The following BCAS3 variants were observed in gnomAD, a reference collection of about 807,000 sequenced individuals.
BCAS3 encodes BCAS4/BCAS3 fusion.
BCAS3 carries 53 observed loss-of-function variants against 116.1 expected under a neutral mutation model. The observed-to-expected ratio is 0.46, with a 90% CI of 0.37 to 0.57. The LOEUF (loss-of-function observed/expected upper bound fraction) is 0.57. Among genes scored for constraint, BCAS3 ranks in the 20% least tolerant of loss-of-function variants. The probability of loss-of-function intolerance (pLI) is 0.00; values close to 1 mark genes in which losing one functional copy is unlikely to be tolerated. For missense variants in BCAS3, 917 were observed against 1,165.4 expected (o/e 0.79, Z 3.10); for synonymous variants, 391 against 408.2 (o/e 0.96, Z 0.51).
rs1405359802 is a variant in BCAS3, at chr17:61,366,954, G to A, written c.2426-1373G>A. Among the ~76,000 whole-genome samples, 1 of 152,172 alleles carries A rather than the reference G, an allele frequency of 6.6e-6. No homozygotes were observed. Among genetic ancestry groups the A allele is most frequent in the African/African-American group, 2.4e-5 (1 of 41,432 alleles). On this transcript the variant is annotated intron_variant, in intron 22 of 23. Coordinates refer to ENST00000407086, the MANE Select transcript of BCAS3 (RefSeq NM_017679.5). This position sits in a 1 kb window ranked among gnomAD's most constrained non-coding sequence, Gnocchi z 4.5. ...CTCTTTGCTGATGTATGGAGTCACCGGCTGTCGGAGTGTTTACTAACGGTT... is the reference window on the plus strand; with the variant it reads ...CTCTTTGCTGATGTATGGAGTCACCAGCTGTCGGAGTGTTTACTAACGGTT...
intron 23 of BCAS3, among the ~76,000 whole-genome samples, chr17:61,369,225 C>T (rs2058914842): frequency 1.3e-5 from 2 of 152,246 alleles, no homozygotes; most frequent in Admixed American, 1.3e-4. Flanking sequence ...AGTGACTGCC[C>T]TAGCCCTGCT....
intron 7 of BCAS3, among the ~76,000 whole-genome samples, chr17:60,844,427 T>C (rs148333625): frequency 6.6e-6 from 1 of 152,384 alleles, no homozygotes; most frequent in East Asian, 1.9e-4. Flanking sequence ...TAACCCATTT[T>C]AGATGAGGTG....
intron 14 of BCAS3, among the ~76,000 whole-genome samples, chr17:60,968,322 C>T (rs2061767295): frequency 6.6e-6 from 1 of 152,026 alleles, no homozygotes; most frequent in South Asian, 2.1e-4. Context: ...CTGGAGCAAT[C>T]CTCTAACCTC....
intron 11 of BCAS3, among the ~76,000 whole-genome samples, chr17:60,904,088 G>A (rs1280495236): frequency 6.6e-6 from 1 of 152,160 alleles, no homozygotes; most frequent in Non-Finnish European, 1.5e-5. Context: ...ATGCTGGAGT[G>A]AGGCTGGACT....
Position 61,015,791 on chromosome 17 carries a change from C to T in BCAS3, c.1527C>T (p.Asn509=). The T allele has an allele frequency of 1.9e-6, 3 of 1,613,964 alleles. No homozygotes were observed. Among genetic ancestry groups the T allele is most frequent in the Non-Finnish European group, 2.5e-6 (3 of 1,179,914 alleles). The change falls in exon 16 of 24, where the codon AAC becomes AAT. Residue 509 remains asparagine (N), a synonymous_variant. Coordinates refer to ENST00000407086, the MANE Select transcript of BCAS3 (RefSeq NM_017679.5). ...NSQDSYNNFT[N]NNPGNPRLSP... is the part of the protein sequence containing the mutation. The stretch of plus-strand genomic sequence containing the variant: ...AAGACTCCTATAACAATTTTACCAA[C>T]AACAACCCTGGCAACCCTCGGCTCT...
chr17:61,015,091 C>T (rs539293788), intron 15 of BCAS3, among the ~76,000 whole-genome samples: 22 of 152,188 alleles, frequency 1.4e-4, no homozygotes, highest in Non-Finnish European at 2.8e-4. Flanking sequence ...AATGTAATCC[C>T]TATCAAAAAC....
chr17:60,892,085 C>G (rs1006956908), intron 10 of BCAS3, among the ~76,000 whole-genome samples: 2 of 152,114 alleles, frequency 1.3e-5, no homozygotes, highest in Admixed American at 6.5e-5. Context: ...CATGACTTTG[C>G]TATTGTGACT....
At position 61,124,221 on chromosome 17, in the gene BCAS3, C is replaced by T. The variant is rs1293560188; in HGVS notation, c.2425+39657C>T. ...GCTTCTTTAGCTGGAAAAATTATTT[C>T]TACAGGACAATAAAACCTGGGATTC... is the stretch of plus-strand genomic sequence containing the variant. On this transcript the variant is annotated intron_variant, in intron 22 of 23. Coordinates refer to ENST00000407086, the MANE Select transcript of BCAS3 (RefSeq NM_017679.5). The surrounding 1 kb of genome is among the most constrained non-coding windows in gnomAD (Gnocchi z 4.6). 6.6e-6 allele frequency among the ~76,000 whole-genome samples: 1 copy of T among 151,900 alleles called. No homozygotes were observed. The highest frequency in any genetic ancestry group is 2.4e-5 in the African/African-American group (1 of 41,354).
Position 61,334,676 on chromosome 17 carries a change from A to AC in BCAS3, c.2426-33651_2426-33650insC, listed in dbSNP as rs1400371676. Among the ~76,000 whole-genome samples the AC allele has an allele frequency of 8.9e-4, 112 of 125,178 alleles. 3 individuals carry two copies. Among genetic ancestry groups the AC allele is most frequent in the African/African-American group, 1.3e-3 (37 of 27,618 alleles). The allele number at this position is 125,178 out of a possible 152,430, so 82.1% of individuals were successfully genotyped here. A position where few individuals can be genotyped will look rare whatever the true frequency, so the allele number is the denominator to read the frequency against. ...CAAAACTCCATCTCAAAAAAAAAAA[A>AC]AAAAAAAAAAAAACACCAAGAAAAC... On this transcript the variant is annotated intron_variant, in intron 22 of 23. Transcript: ENST00000407086.
chr17:60,888,077 T>G (rs964768944), intron 9 of BCAS3, among the ~76,000 whole-genome samples: 2 of 152,204 alleles, frequency 1.3e-5, no homozygotes, highest in African/African-American at 4.8e-5. Flanking sequence ...AAAAGAGTCA[T>G]GCTTATAAGG....
intron 22 of BCAS3, among the ~76,000 whole-genome samples, chr17:61,271,975 A>AT (rs996446653): frequency 2.0e-4 from 30 of 151,340 alleles, no homozygotes; most frequent in East Asian, 1.6e-3. Flanking sequence ...ATGCCCAGCT[A>AT]TTTTTTTTAT....
At chr17:60,901,588 G>A (rs2057897668) in intron 10 of BCAS3, among the ~76,000 whole-genome samples, 1 of 152,008 alleles carries the variant, frequency 6.6e-6, no homozygotes, top group Non-Finnish European at 1.5e-5. Flanking sequence ...TCTTGACTTT[G>A]CATATCATAC....
chr17:60,853,405 AAT>A (rs1338267696), intron 7 of BCAS3, among the ~76,000 whole-genome samples: 2 of 152,250 alleles, frequency 1.3e-5, no homozygotes, highest in Non-Finnish European at 2.9e-5. Flanking sequence ...CTTCTTTCAA[AAT>A]ATATGTTTGA....
At chr17:61,280,035 A>G (rs2051107387) in intron 22 of BCAS3, among the ~76,000 whole-genome samples, 1 of 152,140 alleles carries the variant, frequency 6.6e-6, no homozygotes, top group Admixed American at 6.6e-5. Flanking sequence ...TTTTCTCCCT[A>G]CTGTCAGCAG....
chr17:60,859,221 T>C (rs1197556251), intron 7 of BCAS3, among the ~76,000 whole-genome samples: 1 of 152,040 alleles, frequency 6.6e-6, no homozygotes, highest in Non-Finnish European at 1.5e-5. Context: ...GTTCTGGGGG[T>C]ACGTGTTCAG....
At chr17:60,954,247 A>G (rs9916145) in intron 14 of BCAS3, among the ~76,000 whole-genome samples, 47,527 of 151,970 alleles carry the variant, frequency 0.31, 12,477 homozygotes, top group African/African-American at 0.72. Context: ...TTAGTACCAT[A>G]CTGTTTTGCT....
At chr17:61,014,697 CTG>C (rs1341923577) in intron 15 of BCAS3, among the ~76,000 whole-genome samples, 1 of 150,980 alleles carries the variant, frequency 6.6e-6, no homozygotes, top group African/African-American at 2.4e-5. Flanking sequence ...GTAAAACTAT[CTG>C]TTTTTTGAGG....
At chr17:60,948,495 C>T (rs2060649694) in intron 14 of BCAS3, among the ~76,000 whole-genome samples, 1 of 152,124 alleles carries the variant, frequency 6.6e-6, no homozygotes, top group Non-Finnish European at 1.5e-5. Flanking sequence ...AAATCTCAAA[C>T]ACCTTTTGTT....
chr17:60,759,739 A>C (rs2144344066), intron 6 of BCAS3, among the ~76,000 whole-genome samples: 1 of 151,884 alleles, frequency 6.6e-6, no homozygotes, highest in East Asian at 1.9e-4. Context: ...ATTGTAGCTC[A>C]CTGCCACCTT....
Sources: gnomAD v4.1 joint callset for allele counts (sites outside exome capture counted in the v4.1 genomes callset) on GRCh38, gnomAD v4.1.1 for gene constraint, Gnocchi (gnomAD v3.1) non-coding constraint, MANE v1.5 for transcripts, NCBI Gene and HGNC (gene_info 2026-07-23, HGNC 2026-07-21) for gene names.